KCNIP4: variants seen among roughly 807,000 people sequenced by gnomAD.
The protein encoded by KCNIP4 is Kv channel-interacting protein 4.
In KCNIP4, 12 loss-of-function variants were observed where a neutral mutation model predicts 34.0. That is an observed-to-expected ratio of 0.35 (90% CI 0.23 to 0.57). The LOEUF is 0.57. Ranked by LOEUF, KCNIP4 falls within the 20% of genes least tolerant of loss-of-function variation. The pLI, the probability that KCNIP4 is intolerant of heterozygous loss-of-function variation, is 0.83. For missense variants in KCNIP4, 238 were observed against 311.7 expected (o/e 0.76, Z 1.78); for synonymous variants, 124 against 102.2 (o/e 1.21, Z -1.29).
chr4:21,094,093 A>G (rs1367560479), intron 1 of KCNIP4, among the ~76,000 whole-genome samples: 2 of 151,130 alleles, frequency 1.3e-5, no homozygotes, highest in South Asian at 2.1e-4. Flanking sequence ...AAAAAAAAAG[A>G]AAAAAGCTTA....
At chr4:21,854,578 CCT>C (rs1724631941) in intron 1 of KCNIP4, among the ~76,000 whole-genome samples, 1 of 152,130 alleles carries the variant, frequency 6.6e-6, no homozygotes, top group African/African-American at 2.4e-5. Flanking sequence ...ATCTAGTAAA[CCT>C]CTGTCTACCA....
At chr4:21,469,420 T>C (rs1303417630) in intron 1 of KCNIP4, among the ~76,000 whole-genome samples, 1 of 152,174 alleles carries the variant, frequency 6.6e-6, no homozygotes, top group East Asian at 1.9e-4. Flanking sequence ...AAGTTAATCA[T>C]CAATTACTAC....
At chr4:20,948,992 A>T (rs1229376212) in intron 1 of KCNIP4, among the ~76,000 whole-genome samples, 1 of 152,086 alleles carries the variant, frequency 6.6e-6, no homozygotes, top group African/African-American at 2.4e-5. Context: ...CCCCTTTTGT[A>T]TGGCTGGAAC....
At chr4:21,632,149 T>G (rs1577723024) in intron 1 of KCNIP4, among the ~76,000 whole-genome samples, 1 of 152,198 alleles carries the variant, frequency 6.6e-6, no homozygotes, top group Non-Finnish European at 1.5e-5. Flanking sequence ...ATAGATTCCA[T>G]GCTTTTTGAT....
chr4:21,364,563 A>G (rs1385451924), intron 1 of KCNIP4, among the ~76,000 whole-genome samples: 2 of 152,122 alleles, frequency 1.3e-5, no homozygotes, highest in African/African-American at 4.8e-5. Context: ...CAGTTAGGAT[A>G]GTATCTCATG....
At chr4:21,325,388 T>C (rs1714935247) in intron 1 of KCNIP4, among the ~76,000 whole-genome samples, 1 of 151,898 alleles carries the variant, frequency 6.6e-6, no homozygotes, top group Non-Finnish European at 1.5e-5. Flanking sequence ...TATTGGTATA[T>C]AGTTGCTCAT....
chr4:20,782,602 G>T (rs1227335985), intron 3 of KCNIP4, among the ~76,000 whole-genome samples: 4 of 152,136 alleles, frequency 2.6e-5, no homozygotes, highest in African/African-American at 9.7e-5. Flanking sequence ...TTCAGCCACA[G>T]CTGGAGCAGC....
intron 1 of KCNIP4, among the ~76,000 whole-genome samples, chr4:21,235,525 G>A (rs1759294545): frequency 6.6e-6 from 1 of 152,164 alleles, no homozygotes; most frequent in South Asian, 2.1e-4. Context: ...TTGTGTTCAA[G>A]TCCTCATCAA....
intron 1 of KCNIP4, among the ~76,000 whole-genome samples, chr4:21,595,784 C>A (rs1338259131): frequency 6.6e-6 from 1 of 152,032 alleles, no homozygotes; most frequent in African/African-American, 2.4e-5. Flanking sequence ...ATTACTTTTG[C>A]ACAAACCTAA....
At chr4:20,899,515 C>A (rs955606988) in intron 1 of KCNIP4, among the ~76,000 whole-genome samples, 1 of 152,124 alleles carries the variant, frequency 6.6e-6, no homozygotes, top group African/African-American at 2.4e-5. Flanking sequence ...ATCTTCTTAT[C>A]ACTATCTTGA....
At chr4:21,944,039 T>C (rs1018239054) in intron 1 of KCNIP4, among the ~76,000 whole-genome samples, 1 of 151,712 alleles carries the variant, frequency 6.6e-6, no homozygotes, top group Non-Finnish European at 1.5e-5. Context: ...TTTTTAGACA[T>C]ACTGACTTTA....
At chr4:21,102,055 T>C (rs1299005123) in intron 1 of KCNIP4, among the ~76,000 whole-genome samples, 1 of 152,120 alleles carries the variant, frequency 6.6e-6, no homozygotes, top group Non-Finnish European at 1.5e-5. Flanking sequence ...CTGCAATCCT[T>C]TGCCTTTAGA....
At chr4:21,714,440 A>T (rs939392614) in intron 1 of KCNIP4, among the ~76,000 whole-genome samples, 2 of 151,912 alleles carry the variant, frequency 1.3e-5, no homozygotes, top group African/African-American at 4.8e-5. Context: ...GAAGGGGGCA[A>T]AAAGAAGATG....
intron 1 of KCNIP4, among the ~76,000 whole-genome samples, chr4:21,337,064 G>A (rs573141355): frequency 7.3e-5 from 11 of 151,620 alleles, no homozygotes; most frequent in African/African-American, 1.9e-4. Flanking sequence ...AGGTGGGGTC[G>A]TAAAAGAAGA....
chr4:21,239,582 C>T (rs939031158), intron 1 of KCNIP4, among the ~76,000 whole-genome samples: 1 of 152,172 alleles, frequency 6.6e-6, no homozygotes, highest in Non-Finnish European at 1.5e-5. Flanking sequence ...ACAAACACTT[C>T]TCAAAAGAAG....
At chr4:20,914,285 T>C (rs1174860197) in intron 1 of KCNIP4, among the ~76,000 whole-genome samples, 2 of 152,114 alleles carry the variant, frequency 1.3e-5, no homozygotes, top group African/African-American at 2.4e-5. Flanking sequence ...CTAAAATTCA[T>C]ATGTTAAAAC....
In KCNIP4 at chr4:20,730,010, G is replaced by A; in HGVS notation, c.*72C>T. ...TCAAGCTGAGCAATCTATGCTAAAA[G>A]TGGTAGCTCCAACTTTAAGGGTGGT... is the stretch of plus-strand genomic sequence containing the variant. On this transcript the variant is annotated 3_prime_UTR_variant, in exon 9 of 9. Transcript: ENST00000382152. 2.0e-6 allele frequency: 3 copies of A among 1,529,266 alleles called. No individual in the cohort carries two copies. The highest frequency in any genetic ancestry group is 2.6e-6 in the Non-Finnish European group (3 of 1,136,958). 94.7% of individuals were successfully genotyped at this position (1,529,266 alleles called of 1,614,324 possible).
chr4:20,801,062 C>T (rs971540244), intron 3 of KCNIP4, among the ~76,000 whole-genome samples: 1 of 152,122 alleles, frequency 6.6e-6, no homozygotes, highest in Non-Finnish European at 1.5e-5. Context: ...ACAAGGGAAT[C>T]TCCATTAGAA....
intron 1 of KCNIP4, among the ~76,000 whole-genome samples, chr4:21,822,379 A>T (rs960703432): frequency 1.3e-5 from 2 of 152,164 alleles, no homozygotes; most frequent in Admixed American, 1.3e-4. Context: ...TTATTAGGAC[A>T]AATCCAGAGT....
Sources: gnomAD v4.1 joint callset for allele counts (sites outside exome capture counted in the v4.1 genomes callset) on GRCh38, gnomAD v4.1.1 for gene constraint, MANE v1.5 for transcripts, NCBI Gene and HGNC (gene_info 2026-07-23, HGNC 2026-07-21) for gene names.